The following NETO2 variants were observed in gnomAD, a reference collection of about 807,000 sequenced individuals.
NETO2 encodes neuropilin and tolloid-like protein 2.
Under a neutral mutation model 62.5 loss-of-function variants are expected in NETO2, and 28 were observed. That is an observed-to-expected ratio of 0.45 (90% confidence interval 0.33 to 0.61). The LOEUF (loss-of-function observed/expected upper bound fraction) is 0.61, where lower values mean the gene tolerates loss of function less well. NETO2 is among the 20% of genes least tolerant of loss of function. NETO2 has a pLI of 0.02. For missense variants in NETO2, 548 were observed against 643.2 expected (o/e 0.85, Z 1.60); for synonymous variants, 214 against 219.1 (o/e 0.98, Z 0.21).
chr16:47,116,176 A>G (rs1343319057), intron 6 of NETO2, among the ~76,000 whole-genome samples: 1 of 140,262 alleles, frequency 7.1e-6, no homozygotes, highest in Non-Finnish European at 1.5e-5. Flanking sequence ...ACAGGCTCTT[A>G]CTATGATGTC....
chr16:47,108,313 T>A (rs2160479), intron 7 of NETO2, among the ~76,000 whole-genome samples: 151,995 of 152,286 alleles, frequency 1, 75,852 homozygotes, highest in East Asian at 1. Context: ...ATTAGTGGGT[T>A]AGAAGATATT....
chr16:47,129,885 G>A (rs911464308), intron 2 of NETO2, among the ~76,000 whole-genome samples: 3 of 152,196 alleles, frequency 2.0e-5, no homozygotes, highest in Non-Finnish European at 4.4e-5. Flanking sequence ...ACAGAGAGGG[G>A]TAGATATAGC....
chr16:47,132,149 ACT>A (rs1964279413), intron 1 of NETO2, 124 bp from the exon 2 acceptor site: 1 of 729,166 alleles, frequency 1.4e-6, no homozygotes, highest in Non-Finnish European at 2.3e-6. Context: ...CTCAAAATTC[ACT>A]CTCAAGATCT....
chr16:47,078,147 G>A lies in NETO2; in HGVS notation c.*5074C>T, dbSNP rs1008514992. ...TTGAAAACATAAAATGGTTCTAAGTGTAATAAAATAAAGTTGCCCTTATCA... is the reference window on the plus strand; with the variant it reads ...TTGAAAACATAAAATGGTTCTAAGTATAATAAAATAAAGTTGCCCTTATCA... On this transcript the variant is annotated 3_prime_UTR_variant, in exon 9 of 9. Coordinates refer to ENST00000562435, the MANE Select transcript of NETO2 (RefSeq NM_018092.5). 2 of 152,174 alleles carry A rather than the reference G, an allele frequency of 1.3e-5. No individual in the cohort carries two copies. The highest frequency in any genetic ancestry group is 2.4e-5 in the African/African-American group (1 of 41,430). The allele number at this position is 152,174 out of a possible 1,614,324, so 9.4% of individuals were successfully genotyped here.
chr16:47,139,786 GCTTT>G (rs1051998846), intron 1 of NETO2, among the ~76,000 whole-genome samples: 1 of 152,218 alleles, frequency 6.6e-6, no homozygotes, highest in Non-Finnish European at 1.5e-5. Context: ...TAGCAGAAGT[GCTTT>G]CTCTTTCCTG....
chr16:47,135,506 A>C (rs1231029229), intron 1 of NETO2, among the ~76,000 whole-genome samples: 1 of 152,190 alleles, frequency 6.6e-6, no homozygotes, highest in Non-Finnish European at 1.5e-5. Flanking sequence ...AATGTCCACC[A>C]TTTATGATGT....
At chr16:47,114,216 T>C (rs1963860238) in intron 6 of NETO2, among the ~76,000 whole-genome samples, 1 of 152,122 alleles carries the variant, frequency 6.6e-6, no homozygotes, top group Non-Finnish European at 1.5e-5. Context: ...ATTGTGGTTT[T>C]AATTTGCATT....
At chr16:47,116,042 T>C (rs1002111208) in intron 6 of NETO2, among the ~76,000 whole-genome samples, 2 of 152,070 alleles carry the variant, frequency 1.3e-5, no homozygotes, top group Non-Finnish European at 2.9e-5. Context: ...GGCTACAACT[T>C]CTAGTATAAC....
At chr16:47,116,102 G>A (rs958266815) in intron 6 of NETO2, among the ~76,000 whole-genome samples, 5 of 149,682 alleles carry the variant, frequency 3.3e-5, no homozygotes, top group Admixed American at 2.7e-4. Context: ...AAGAATTCAG[G>A]TTTTCACCAC....
rs533717589 is a variant in NETO2, at chr16:47,103,543, G to A, written c.883+5940C>T. On this transcript the variant is annotated intron_variant, in intron 7 of 8. Transcript: ENST00000562435. ...CCAGAACTAGTTACTCATTCTATGA[G>A]GCCAGAATTACTCTGATACCAAAGC... Among the ~76,000 whole-genome samples the A allele has an allele frequency of 2.1e-4, 32 of 152,094 alleles. No individual in the cohort carries two copies. In the South Asian group the frequency reaches 5.8e-3, roughly 28 times the overall value.
chr16:47,094,326 A>G (rs1308308863), intron 7 of NETO2, among the ~76,000 whole-genome samples: 1 of 151,412 alleles, frequency 6.6e-6, no homozygotes, highest in African/African-American at 2.4e-5. Context: ...ATAGAAAAGC[A>G]AAGAAATATA....
At chr16:47,134,845 A>G (rs1335277584) in intron 1 of NETO2, among the ~76,000 whole-genome samples, 1 of 152,270 alleles carries the variant, frequency 6.6e-6, no homozygotes, top group East Asian at 1.9e-4. Context: ...AAATTTGCAC[A>G]GAATACACAA....
rs1264670649 is a variant in NETO2, at chr16:47,083,606, TA to T, written c.1192del (p.Tyr398MetfsTer6). The T allele has an allele frequency of 6.2e-7, 1 of 1,614,210 alleles. No homozygotes were observed. ...TTTGTCCCTTAGTGAAAACAGTTCA[TA>T]ATGAGGAGGATCAAACACTTCTTGG... ...GFQEVFDPPH[Y>X]ELFSLRDKEI... On this transcript the variant is annotated frameshift_variant, in exon 9 of 9. Transcript: ENST00000562435. LOFTEE classifies it high-confidence loss of function.
intron 7 of NETO2, among the ~76,000 whole-genome samples, chr16:47,101,766 C>G (rs545297184): frequency 6.6e-6 from 1 of 152,288 alleles, no homozygotes; most frequent in South Asian, 2.1e-4. Flanking sequence ...CAAACCACTG[C>G]TCAAGGAAAT....
intron 7 of NETO2, among the ~76,000 whole-genome samples, chr16:47,094,894 T>C (rs1257549844): frequency 2.0e-5 from 3 of 152,104 alleles, no homozygotes; most frequent in Admixed American, 2.0e-4. Flanking sequence ...TTAGTAGAGA[T>C]GGGGTTTCAC....
intron 7 of NETO2, among the ~76,000 whole-genome samples, chr16:47,093,482 T>C (rs1022367243): frequency 2.0e-5 from 3 of 152,202 alleles, no homozygotes; most frequent in African/African-American, 7.2e-5. Flanking sequence ...ACTATTTGCC[T>C]AGGTCACCTT....
chr16:47,126,804 T>C (rs1964167021), intron 4 of NETO2, among the ~76,000 whole-genome samples: 1 of 152,246 alleles, frequency 6.6e-6, no homozygotes, highest in South Asian at 2.1e-4. Flanking sequence ...TGTTTACTTT[T>C]TGGAAATATC....
At chr16:47,104,459 A>G (rs1054562005) in intron 7 of NETO2, among the ~76,000 whole-genome samples, 1 of 152,232 alleles carries the variant, frequency 6.6e-6, no homozygotes, top group African/African-American at 2.4e-5. Context: ...TATTACTCAA[A>G]GTGACCCACA....
chr16:47,096,496 A>C (rs1325310439), intron 7 of NETO2, among the ~76,000 whole-genome samples: 1 of 152,220 alleles, frequency 6.6e-6, no homozygotes, highest in Non-Finnish European at 1.5e-5. Flanking sequence ...AAAAAGAATC[A>C]TAAGTGAATA....
Sources: allele counts gnomAD v4.1 joint callset (sites outside exome capture counted in the v4.1 genomes callset), GRCh38; gene constraint gnomAD v4.1.1; transcripts MANE v1.5; gene names NCBI Gene and HGNC (gene_info 2026-07-23, HGNC 2026-07-21).